The following SLC9C2 variants were observed in gnomAD, a reference collection of about 807,000 sequenced individuals.
SLC9C2 encodes the protein sodium/hydrogen exchanger 11.
SLC9C2 carries 75 observed loss-of-function variants against 140.2 expected under a neutral mutation model. The observed-to-expected ratio is 0.53, with a 90% CI of 0.44 to 0.65. The LOEUF (loss-of-function observed/expected upper bound fraction) is 0.65, where lower values mean the gene tolerates loss of function less well. SLC9C2 is among the 30% of genes least tolerant of loss of function. The probability of loss-of-function intolerance (pLI) is 0.00; values close to 1 mark genes in which losing one functional copy is unlikely to be tolerated. For synonymous variants in SLC9C2, 375 were observed against 420.9 expected, an observed-to-expected ratio of 0.89 and a Z score of 1.34; for missense variants, 1,074 against 1,331.8, an observed-to-expected ratio of 0.81 and a Z score of 3.01.
intron 3 of SLC9C2, 23 bp downstream of exon 3, chr1:173,600,094 C>G (rs1266621216): frequency 1.3e-6 from 2 of 1,489,050 alleles, no homozygotes; most frequent in African/African-American, 1.4e-5. Flanking sequence ...CCTTTATTCT[C>G]TAATTTATTG....
At chr1:173,563,850 C>T (rs1365944194) in intron 9 of SLC9C2, among the ~76,000 whole-genome samples, 1 of 152,118 alleles carries the variant, frequency 6.6e-6, no homozygotes, top group Non-Finnish European at 1.5e-5. Flanking sequence ...CCCCTTATCC[C>T]CCTACTACCC....
intron 11 of SLC9C2, 67 bp downstream of exon 11, chr1:173,554,666 G>T: frequency 1.0e-6 from 1 of 979,396 alleles, no homozygotes; most frequent in South Asian, 1.4e-5. Context: ...ATGTCCCCAT[G>T]ACACCCAACA....
Position 173,526,765 on chromosome 1 carries a change from G to GT in SLC9C2, c.2314-52dup, listed in dbSNP as rs551221424. 2.4e-3 allele frequency: 3,075 copies of GT among 1,272,876 alleles called. 4 individuals carry two copies. Among genetic ancestry groups the GT allele is most frequent in the Middle Eastern group, 0.01 (48 of 4,688 alleles). 78.8% of individuals were successfully genotyped at this position (1,272,876 alleles called of 1,614,324 possible). On this transcript the variant is annotated intron_variant, in intron 18 of 27. Coordinates refer to ENST00000367714, the MANE Select transcript of SLC9C2 (RefSeq NM_178527.4). ...ATTTCTTATTATTCATATAGTTTCT[G>GT]TAAGAAATTAAGAAAAACATGCATT...
chr1:173,576,837 A>G (rs751348739), intron 7 of SLC9C2, 77 bp from the exon 8 acceptor site: 1 of 896,906 alleles, frequency 1.1e-6, no homozygotes, highest in Non-Finnish European at 1.7e-6. Flanking sequence ...ATCTTGAATA[A>G]AGAATTGGTG....
Position 173,533,668 on chromosome 1 carries a change from T to TAAGA in SLC9C2, c.2100_2103dup (p.Ile702SerfsTer15). 1 of 1,611,520 alleles carries TAAGA rather than the reference T, an allele frequency of 6.2e-7. No individual in the cohort carries two copies. Among genetic ancestry groups the TAAGA allele is most frequent in the Non-Finnish European group, 8.5e-7 (1 of 1,177,914 alleles). On this transcript the variant is annotated frameshift_variant, in exon 17 of 28. Coordinates refer to ENST00000367714, the MANE Select transcript of SLC9C2 (RefSeq NM_178527.4). LOFTEE classifies it high-confidence loss of function. The stretch of plus-strand genomic sequence containing the variant: ...TATCCCATTATTACTGTAAGCTGTA[T>TAAGA]AAGAGCCAAGTTGTCTGGTCTCAAT...
chr1:173,507,946 A>C (rs998563671), intron 24 of SLC9C2, among the ~76,000 whole-genome samples: 1 of 152,168 alleles, frequency 6.6e-6, no homozygotes, highest in Non-Finnish European at 1.5e-5. Context: ...TTTAGAGATC[A>C]GCCCAACAGT....
intron 7 of SLC9C2, 84 bp from the exon 8 acceptor site, chr1:173,576,844 G>T: frequency 1.2e-6 from 1 of 851,074 alleles, no homozygotes; most frequent in Non-Finnish European, 1.8e-6. Flanking sequence ...ATAAAGAATT[G>T]GTGGGAATCT....
chr1:173,574,428 G>A (rs1264246063), intron 8 of SLC9C2, among the ~76,000 whole-genome samples: 2 of 151,854 alleles, frequency 1.3e-5, no homozygotes, highest in Non-Finnish European at 2.9e-5. Context: ...GGAAGAGTTT[G>A]AGTGAGGGGA....
intron 9 of SLC9C2, among the ~76,000 whole-genome samples, chr1:173,565,779 ATC>A (rs1664429066): frequency 6.6e-6 from 1 of 152,096 alleles, no homozygotes; most frequent in African/African-American, 2.4e-5. Context: ...GTTGCATTGA[ATC>A]TCTAGATCAT....
intron 9 of SLC9C2, among the ~76,000 whole-genome samples, chr1:173,561,783 A>G (rs986196256): frequency 1.3e-5 from 2 of 151,976 alleles, no homozygotes; most frequent in African/African-American, 4.8e-5. Context: ...GACCAATCAT[A>G]CATGAAAAAG....
intron 5 of SLC9C2, 25 bp downstream of exon 5, chr1:173,587,640 A>C (rs1163752808): frequency 1.3e-6 from 2 of 1,585,246 alleles, no homozygotes; most frequent in Non-Finnish European, 1.7e-6. Flanking sequence ...TTTCAAGATA[A>C]GAGAGAGAAA....
chr1:173,512,299 C>T (rs2101909947), intron 23 of SLC9C2, among the ~76,000 whole-genome samples: 1 of 152,270 alleles, frequency 6.6e-6, no homozygotes, highest in South Asian at 2.1e-4. Context: ...GAATGTTTTT[C>T]CATTTGTTTG....
intron 5 of SLC9C2, among the ~76,000 whole-genome samples, chr1:173,585,582 A>T (rs1376221053): frequency 2.6e-5 from 4 of 152,186 alleles, no homozygotes; most frequent in Admixed American, 2.0e-4. Flanking sequence ...CTGGATCCAG[A>T]ATCTATCTAA....
chr1:173,583,141 G>T (rs1173367065), intron 6 of SLC9C2, among the ~76,000 whole-genome samples: 1 of 152,078 alleles, frequency 6.6e-6, no homozygotes, highest in Non-Finnish European at 1.5e-5. Flanking sequence ...ATATAAAATA[G>T]CATATTATTT....
At chr1:173,571,461 T>C (rs1435027571) in intron 9 of SLC9C2, 2 of 152,204 alleles carry the variant, frequency 1.3e-5, no homozygotes, top group Non-Finnish European at 2.9e-5. Context: ...CTCACCTCTT[T>C]CATATCTTTA....
intron 16 of SLC9C2, 63 bp from the exon 17 acceptor site, chr1:173,533,860 A>G: frequency 6.8e-7 from 1 of 1,470,358 alleles, no homozygotes; most frequent in Non-Finnish European, 9.0e-7. Context: ...GAAGAAATCT[A>G]TAAAATTAAC....
intron 24 of SLC9C2, among the ~76,000 whole-genome samples, chr1:173,507,839 T>C (rs2101894961): frequency 6.6e-6 from 1 of 152,334 alleles, no homozygotes; most frequent in East Asian, 1.9e-4. Flanking sequence ...TTCTAATTTC[T>C]AGCCTCCAGA....
chr1:173,507,491 A>G (rs1234661373), intron 24 of SLC9C2, among the ~76,000 whole-genome samples: 1 of 150,100 alleles, frequency 6.7e-6, no homozygotes, highest in African/African-American at 2.4e-5. Context: ...GGAGGGAGTT[A>G]TTATGGGTTG....
At chr1:173,589,341 G>A (rs1666029547) in intron 4 of SLC9C2, among the ~76,000 whole-genome samples, 1 of 152,130 alleles carries the variant, frequency 6.6e-6, no homozygotes, top group African/African-American at 2.4e-5. Context: ...AGGATCGCTT[G>A]AGGCCAGAAG....
Sources: allele counts gnomAD v4.1 joint callset (sites outside exome capture counted in the v4.1 genomes callset), GRCh38; gene constraint gnomAD v4.1.1; transcripts MANE v1.5; gene names NCBI Gene and HGNC (gene_info 2026-07-23, HGNC 2026-07-21).